Variants in MCF2 observed in about 807,000 individuals in gnomAD.
MCF2 encodes the protein MCF.2 cell line derived transforming sequence.
Under a neutral mutation model 82.5 loss-of-function variants are expected in MCF2, and 44 were observed. The observed-to-expected ratio is 0.53, with a 90% CI of 0.42 to 0.69. The LOEUF (loss-of-function observed/expected upper bound fraction) is 0.69, where lower values mean the gene tolerates loss of function less well. Ranked by LOEUF, MCF2 falls within the 30% of genes least tolerant of loss-of-function variation. The probability of loss-of-function intolerance (pLI) is 0.00; values close to 1 mark genes in which losing one functional copy is unlikely to be tolerated. For missense variants in MCF2, 623 were observed against 663.1 expected (o/e 0.94, Z 0.66); for synonymous variants, 217 against 224.9 (o/e 0.96, Z 0.32).
At chrX:139,595,370 A>G (rs932387557) in intron 19 of MCF2, among the ~76,000 whole-genome samples, 1 of 109,932 alleles carries the variant, frequency 9.1e-6, no homozygotes, top group East Asian at 2.9e-4. Context: ...AATGTGGCAC[A>G]TATACACCAT....
intron 5 of MCF2, 35 bp from the exon 9 acceptor site, chrX:139,626,342 C>T: frequency 1.2e-6 from 1 of 863,665 alleles, no homozygotes. Context: ...TTCCTAAAAG[C>T]AACTATCTGT....
At chrX:139,616,720 G>T (rs1001428482) in intron 8 of MCF2, among the ~76,000 whole-genome samples, 1 of 110,956 alleles carries the variant, frequency 9.0e-6, no homozygotes, top group African/African-American at 3.3e-5. Context: ...AGCCGAGGTT[G>T]GGAAACACTG....
At chrX:139,669,912 A>G (rs1934631701) in intron 1 of MCF2, among the ~76,000 whole-genome samples, 3 of 112,112 alleles carry the variant, frequency 2.7e-5, no homozygotes, top group African/African-American at 9.7e-5. Context: ...AGCTTCGGAA[A>G]TGATAGCTAA....
chrX:139,649,013 G>T (rs1933901575), intron 2 of MCF2, among the ~76,000 whole-genome samples: 1 of 111,938 alleles, frequency 8.9e-6, no homozygotes, highest in African/African-American at 3.2e-5. Flanking sequence ...AATTTGCAAG[G>T]ATATTGTATA....
intron 1 of MCF2, among the ~76,000 whole-genome samples, chrX:139,699,430 C>G (rs2093380011): frequency 3.6e-5 from 4 of 111,909 alleles, no homozygotes; most frequent in African/African-American, 1.3e-4. Context: ...CAGAGATGTA[C>G]AACCATCACA....
At chrX:139,659,843 A>G (rs1934308774) in intron 1 of MCF2, among the ~76,000 whole-genome samples, 1 of 112,316 alleles carries the variant, frequency 8.9e-6, no homozygotes, top group African/African-American at 3.2e-5. Context: ...AAACAGACTG[A>G]GAAAGTGTAG....
rs17002172 is a variant in MCF2, at chrX:139,612,957, T to C, written c.1363+1924A>G. 6.9e-3 allele frequency among the ~76,000 whole-genome samples: 768 copies of C among 112,111 alleles called. 5 individuals are homozygous for C. The highest frequency in any genetic ancestry group is 0.023 in the African/African-American group (719 of 30,965). ...ATTCATTTTAGCATCGCCAATTGTT[T>C]TTCTTTATTCTTTTTGCGGGGTCAC... is the stretch of plus-strand genomic sequence containing the variant. On this transcript the variant is annotated intron_variant, in intron 10 of 24. Coordinates refer to ENST00000370576, the Ensembl canonical transcript of MCF2.
At chrX:139,605,191 AAAGG>A (rs1930892945) in intron 13 of MCF2, among the ~76,000 whole-genome samples, 1 of 107,744 alleles carries the variant, frequency 9.3e-6, no homozygotes. Flanking sequence ...CAGGGCAAGG[AAAGG>A]AAGTCAAGTT....
upstream of MCF2, chrX:139,645,428 C>T: frequency 2.6e-6 from 1 of 384,138 alleles, no homozygotes; most frequent in Admixed American, 4.6e-5. Flanking sequence ...TCTGCTACAA[C>T]CTCTCCTTCT....
intron 1 of MCF2, among the ~76,000 whole-genome samples, chrX:139,684,147 C>T (rs1935067522): frequency 8.9e-6 from 1 of 112,065 alleles, no homozygotes; most frequent in African/African-American, 3.2e-5. Flanking sequence ...AGAGGAAAAG[C>T]CCAATCTTAA....
intron 6 of MCF2, among the ~76,000 whole-genome samples, chrX:139,620,466 C>A (rs1284635505): frequency 2.7e-5 from 3 of 111,114 alleles, no homozygotes; most frequent in Non-Finnish European, 3.8e-5. Flanking sequence ...CTAGAAAACA[C>A]TAAAGACTAC....
chrX:139,692,106 G>C, intron 1 of MCF2: 1 of 1,161,409 alleles, frequency 8.6e-7, no homozygotes, highest in African/African-American at 1.8e-5. Flanking sequence ...CCACGGCGCC[G>C]AAGCGGCAGC....
chrX:139,675,467 A>T (rs1168666343), intron 1 of MCF2, among the ~76,000 whole-genome samples: 1 of 111,979 alleles, frequency 8.9e-6, no homozygotes, highest in African/African-American at 3.3e-5. Context: ...AATGTTGGTG[A>T]CCTACAGATG....
chrX:139,699,507 G>A lies in MCF2; in HGVS notation c.-45+8599C>T, dbSNP rs1460637898. Among the ~76,000 whole-genome samples the A allele has an allele frequency of 8.1e-5, 9 of 111,681 alleles. No individual in the cohort carries two copies. The East Asian group carries it at 2.5e-3, about 31-fold the overall frequency. On this transcript the variant is annotated intron_variant, in intron 1 of 27. Transcript: ENST00000414978. Reference sequence around the variant, plus strand: ...TACCCTTTAGCTGTCACTTCTTAAGGCCCCACATCACCACCAGCCCTAGGA... The same window carrying A: ...TACCCTTTAGCTGTCACTTCTTAAGACCCCACATCACCACCAGCCCTAGGA...
At position 139,602,458 on chromosome X, in the gene MCF2, T is replaced by C. The variant is rs758658484; in HGVS notation, c.1784A>G (p.Lys595Arg). ...CCTCCAAATTGTTTCTGATCTGGGC[T>C]TATTCTGACAATATTTTGCATACAT... is the stretch of plus-strand genomic sequence containing the variant. The change falls in exon 16 of 25, where the codon AAG becomes AGG. Residue 595 changes from lysine (K) to arginine (R), a missense_variant. Lys to Arg is a conservative substitution (Grantham distance 26). Coordinates refer to ENST00000370576, the Ensembl canonical transcript of MCF2. 35 of 1,201,583 alleles carry C rather than the reference T, an allele frequency of 2.9e-5. No individual in the cohort carries two copies. In the East Asian group the frequency reaches 1.0e-3, roughly 36 times the overall value.
At chrX:139,611,921 C>T (rs1931523835) in intron 10 of MCF2, among the ~76,000 whole-genome samples, 1 of 109,584 alleles carries the variant, frequency 9.1e-6, no homozygotes, top group South Asian at 3.9e-4. Context: ...AAATAGTGTT[C>T]CAGAGAGAGA....
chrX:139,612,769 A>G (rs1040249797), intron 10 of MCF2, among the ~76,000 whole-genome samples: 1 of 111,827 alleles, frequency 8.9e-6, no homozygotes, highest in African/African-American at 3.2e-5. Flanking sequence ...TAATTTACAA[A>G]GCATGATGTA....
chrX:139,701,829 G>A (rs959897288), intron 1 of MCF2, among the ~76,000 whole-genome samples: 8 of 111,979 alleles, frequency 7.1e-5, no homozygotes, highest in Admixed American at 1.9e-4. Flanking sequence ...CTTGTTTCTC[G>A]GGTAGAACCC....
At chrX:139,623,005 T>C (rs1219005502) in intron 6 of MCF2, among the ~76,000 whole-genome samples, 6 of 111,223 alleles carry the variant, frequency 5.4e-5, no homozygotes, top group Non-Finnish European at 9.4e-5. Context: ...ATATCACTAA[T>C]CATCAGAGAA....
Sources: allele counts gnomAD v4.1 joint callset (sites outside exome capture counted in the v4.1 genomes callset), GRCh38; gene constraint gnomAD v4.1.1; transcripts MANE v1.5; gene names NCBI Gene and HGNC (gene_info 2026-07-23, HGNC 2026-07-21).